The following ZNF709 variants were observed in gnomAD, a reference collection of about 807,000 sequenced individuals.
ZNF709 encodes zinc finger protein 709.
In ZNF709, 15 loss-of-function variants were observed where a neutral mutation model predicts 10.6. The ratio of observed to expected loss-of-function variants is 1.41; its 90% CI spans 0.95 to 2.18. ZNF709 has a LOEUF of 2.18. Among genes scored for constraint, ZNF709 ranks in the 30% most tolerant of loss-of-function variants. The probability of loss-of-function intolerance (pLI) is 0.00; values close to 1 mark genes in which losing one functional copy is unlikely to be tolerated. For synonymous variants in ZNF709, 194 were observed against 238.8 expected, an observed-to-expected ratio of 0.81 and a Z score of 1.73; for missense variants, 589 against 774.0, an observed-to-expected ratio of 0.76 and a Z score of 2.84.
intron 1 of ZNF709, among the ~76,000 whole-genome samples, chr19:12,483,631 G>A (rs1319736468): frequency 3.3e-5 from 5 of 151,784 alleles, no homozygotes; most frequent in African/African-American, 1.2e-4. Flanking sequence ...TCTGCCTCCC[G>A]GGTTCAAGTG....
In ZNF709 at chr19:12,464,857, CAT is replaced by C. The variant is rs759520068; in HGVS notation, c.1063_1064del (p.Met355AspfsTer10). 5 of 1,613,850 alleles carry C rather than the reference CAT, an allele frequency of 3.1e-6. No individual in the cohort carries two copies. Among genetic ancestry groups the C allele is most frequent in the Non-Finnish European group, 4.2e-6 (5 of 1,179,934 alleles). On this transcript the variant is annotated frameshift_variant, in exon 4 of 4. Transcript: ENST00000397732. LOFTEE classifies it low-confidence loss of function (END_TRUNC). ...FISLPSYRRH[M>X]IMHTGNGPYK... is the part of the protein sequence containing the mutation. ...AAGGTCCATTTCCAGTGTGCATTAT[CAT>C]ATGTCTTCGATAGCTTGGAAGAGAA...
At chr19:12,476,656 A>G (rs756855151) in intron 1 of ZNF709, among the ~76,000 whole-genome samples, 2 of 152,198 alleles carry the variant, frequency 1.3e-5, no homozygotes, top group Non-Finnish European at 2.9e-5. Flanking sequence ...GTTAAGTAAA[A>G]TTTATAAACA....
chr19:12,483,959 A>T (rs962389403), intron 1 of ZNF709, among the ~76,000 whole-genome samples: 4 of 152,250 alleles, frequency 2.6e-5, no homozygotes, highest in African/African-American at 9.6e-5. Flanking sequence ...AGGCACAAGC[A>T]TTTTACACGA....
chr19:12,466,894 A>T (rs760378615), intron 1 of ZNF709, 44 bp from the exon 2 acceptor site: 1 of 1,588,378 alleles, frequency 6.3e-7, no homozygotes. Context: ...TGAGACTGAC[A>T]GCACTGGGGA....
rs1380891179 is a variant in ZNF709, at chr19:12,466,472, T to G, written c.178A>C (p.Arg60=). The part of the protein sequence containing the change: ...KNIEDHKNQG[R]KLRSHMVERL... ...GTAAGTACAACTCACCTTAGCTTTCTCCCCTGATTTTTGTGATCTTCAATG... is the reference window on the plus strand; with the variant it reads ...GTAAGTACAACTCACCTTAGCTTTCGCCCCTGATTTTTGTGATCTTCAATG... The change falls in exon 3 of 4, where the codon AGA becomes CGA. Residue 60 remains arginine, a synonymous_variant. Coordinates refer to ENST00000397732, the MANE Select transcript of ZNF709 (RefSeq NM_152601.4). 1 of 1,614,030 alleles carries G rather than the reference T, an allele frequency of 6.2e-7. No homozygotes were observed. The highest frequency in any genetic ancestry group is 2.2e-5 in the East Asian group (1 of 44,856).
At chr19:12,471,631 A>G (rs1312439301) in intron 1 of ZNF709, among the ~76,000 whole-genome samples, 2 of 152,294 alleles carry the variant, frequency 1.3e-5, no homozygotes, top group East Asian at 1.9e-4. Context: ...AAGGGAGGGG[A>G]AAAGTGTCTT....
intron 3 of ZNF709, 76 bp from the exon 4 acceptor site, chr19:12,465,809 TCA>T: frequency 8.5e-7 from 1 of 1,170,648 alleles, no homozygotes; most frequent in African/African-American, 1.6e-5. Context: ...ATTGATTATT[TCA>T]CAATCATTAG....
At chr19:12,469,082 C>T (rs1485275095) in intron 1 of ZNF709, among the ~76,000 whole-genome samples, 1 of 152,104 alleles carries the variant, frequency 6.6e-6, no homozygotes, top group South Asian at 2.1e-4. Flanking sequence ...CCTCGTGATC[C>T]GCCCACCTCG....
At chr19:12,480,095 T>C (rs1244284861) in intron 1 of ZNF709, among the ~76,000 whole-genome samples, 2 of 151,804 alleles carry the variant, frequency 1.3e-5, no homozygotes, top group African/African-American at 4.8e-5. Context: ...TTCAGGGCTG[T>C]AGTGAGTTAT....
At chr19:12,468,661 CT>C (rs1200367426) in intron 1 of ZNF709, among the ~76,000 whole-genome samples, 1 of 148,116 alleles carries the variant, frequency 6.8e-6, no homozygotes. Flanking sequence ...CCAAATCCCC[CT>C]CTGCGAGAAA....
chr19:12,473,150 T>C (rs930334971), intron 1 of ZNF709, among the ~76,000 whole-genome samples: 1 of 152,212 alleles, frequency 6.6e-6, no homozygotes. Flanking sequence ...GAAGTTATTG[T>C]GTATTTGTAC....
intron 1 of ZNF709, among the ~76,000 whole-genome samples, chr19:12,467,490 A>G (rs2144989979): frequency 6.6e-6 from 1 of 152,266 alleles, no homozygotes; most frequent in African/African-American, 2.4e-5. Flanking sequence ...TCGGCTCGCT[A>G]CAACCTCCAC....
chr19:12,471,341 T>C (rs1599633875), intron 1 of ZNF709, among the ~76,000 whole-genome samples: 1 of 152,304 alleles, frequency 6.6e-6, no homozygotes, highest in East Asian at 1.9e-4. Flanking sequence ...CAGAACAAAC[T>C]CAGTGTCAAC....
chr19:12,463,333 T>C lies in ZNF709; in HGVS notation c.*663A>G, dbSNP rs1970532263. ...TGTGAGTTTGTTCATGGTTTCCAAGTAAACTAAGACAAATAAAGGTTTTTC... is the reference window on the plus strand; with the variant it reads ...TGTGAGTTTGTTCATGGTTTCCAAGCAAACTAAGACAAATAAAGGTTTTTC... On this transcript the variant is annotated 3_prime_UTR_variant, in exon 4 of 4. Coordinates refer to ENST00000397732, the MANE Select transcript of ZNF709 (RefSeq NM_152601.4). The C allele has an allele frequency of 6.6e-6, 1 of 152,190 alleles. No homozygotes were observed. Among genetic ancestry groups the C allele is most frequent in the African/African-American group, 2.4e-5 (1 of 41,448 alleles). The allele number at this position is 152,190 out of a possible 1,614,324, so 9.4% of individuals were successfully genotyped here. A position where few individuals can be genotyped will look rare whatever the true frequency, so the allele number is the denominator to read the frequency against.
intron 1 of ZNF709, among the ~76,000 whole-genome samples, chr19:12,480,588 C>T (rs1018879934): frequency 6.6e-6 from 1 of 151,114 alleles, no homozygotes; most frequent in African/African-American, 2.4e-5. Flanking sequence ...GAGGCTGAGG[C>T]AGGAGAATGG....
rs149572516 is a variant in ZNF709, at chr19:12,480,324, A to G, written c.3+4331T>C. ...GAGTAGCATATTATAATGCATTAGC[A>G]TTTTATCTTAAGTATGTTAGGATTT... On this transcript the variant is annotated intron_variant, in intron 1 of 3. Coordinates refer to ENST00000397732, the MANE Select transcript of ZNF709 (RefSeq NM_152601.4). 3.9e-3 allele frequency among the ~76,000 whole-genome samples: 596 copies of G among 152,244 alleles called. 2 individuals are homozygous for G. The highest frequency in any genetic ancestry group is 0.014 in the African/African-American group (566 of 41,558).
Position 12,464,524 on chromosome 19 carries a change from A to C in ZNF709, c.1398T>G (p.His466Gln). Residue 466 changes from histidine (H) to glutamine (Q), a missense_variant, in exon 4 of 4, where the codon CAT becomes CAG. Physicochemically the swap from His to Gln is conservative, Grantham distance 24. Around this residue, in one of 2 missense-constraint regions of ZNF709, gnomAD observed 171 missense variants for 277.7 expected, o/e 0.62. Transcript: ENST00000397732. ...GTTTCTCTCCAGTGTGAATTCTTTC[A>C]TGCATTCGAAAGGAACTGGAACAAC... ...AFSCSSSFRM[H>Q]ERIHTGEKPY... 6.2e-7 allele frequency: 1 copy of C among 1,613,028 alleles called. No individual in the cohort carries two copies. Among genetic ancestry groups the C allele is most frequent in the Non-Finnish European group, 8.5e-7 (1 of 1,179,524 alleles).
intron 1 of ZNF709, among the ~76,000 whole-genome samples, chr19:12,468,455 C>T (rs1408783304): frequency 2.0e-5 from 3 of 151,762 alleles, no homozygotes; most frequent in Non-Finnish European, 2.9e-5. Context: ...GGATTAAGGG[C>T]GGTGCAAGAT....
intron 1 of ZNF709, among the ~76,000 whole-genome samples, chr19:12,472,633 A>G (rs1970643458): frequency 1.3e-5 from 2 of 152,148 alleles, no homozygotes; most frequent in Non-Finnish European, 2.9e-5. Context: ...CTGTAATCCC[A>G]GAACTTTGGA....
Sources: gnomAD v4.1 joint callset for allele counts (sites outside exome capture counted in the v4.1 genomes callset) on GRCh38, gnomAD v4.1.1 for gene constraint, gnomAD v4.1.1 regional missense constraint, MANE v1.5 for transcripts, NCBI Gene and HGNC (gene_info 2026-07-23, HGNC 2026-07-21) for gene names.